Variants in ANO6 observed in about 807,000 individuals in gnomAD.
ANO6 encodes anoctamin-6.
A neutral mutation model predicts 117.5 loss-of-function variants in ANO6; 106 were observed. The ratio of observed to expected loss-of-function variants is 0.90; its 90% CI spans 0.77 to 1.06. The LOEUF (loss-of-function observed/expected upper bound fraction) is 1.06. Among genes scored for constraint, ANO6 ranks in the 50% least tolerant of loss-of-function variants. ANO6 has a pLI of 0.00. For missense variants in ANO6, 955 were observed against 1,121.1 expected, an observed-to-expected ratio of 0.85 and a Z score of 2.12; for synonymous variants, 367 against 385.1, an observed-to-expected ratio of 0.95 and a Z score of 0.55.
chr12:45,401,672 G>C, intron 12 of ANO6, 123 bp from the exon 13 acceptor site: 2 of 821,350 alleles, frequency 2.4e-6, no homozygotes, highest in Non-Finnish European at 4.1e-6. Context: ...ACCACCGCTG[G>C]TATCACTTAT....
In ANO6 at chr12:45,390,409, T is replaced by G. The variant is rs1593053034; in HGVS notation, c.1309-12T>G. ...CCCTTGATTGACTAAACTTTTTTGT[T>G]TTTGTAATTAGGAAGAAGAACGCAT... On this transcript the variant is annotated splice_polypyrimidine_tract_variant and intron_variant, in intron 11 of 19. Transcript: ENST00000320560. 1.2e-6 allele frequency: 2 copies of G among 1,612,000 alleles called. No homozygotes were observed. Among genetic ancestry groups the G allele is most frequent in the East Asian group, 4.5e-5 (2 of 44,852 alleles).
chr12:45,295,112 GTCCATTGTCCTGTGT>G (rs1040801414), intron 1 of ANO6, among the ~76,000 whole-genome samples: 15 of 152,220 alleles, frequency 9.9e-5, no homozygotes, highest in Admixed American at 5.2e-4. Flanking sequence ...TATGATTCAA[GTCCATTGTCCTGTGT>G]AGCAATACAT....
At chr12:45,421,347 G>T in intron 18 of ANO6, 74 bp downstream of exon 18, 1 of 1,457,902 alleles carries the variant, frequency 6.9e-7, no homozygotes, top group South Asian at 1.2e-5. Context: ...AATTCTGTTT[G>T]GTGTCATTTT....
chr12:45,396,573 G>C (rs549891483), intron 12 of ANO6, among the ~76,000 whole-genome samples: 5 of 152,302 alleles, frequency 3.3e-5, no homozygotes, highest in Admixed American at 6.5e-5. Flanking sequence ...CACGCTACCT[G>C]ACTTCAAACT....
At chr12:45,256,809 A>G (rs1937850995) in intron 1 of ANO6, 1 of 152,246 alleles carries the variant, frequency 6.6e-6, no homozygotes, top group Non-Finnish European at 1.5e-5. Flanking sequence ...AATGTATTTT[A>G]AACTGAAGAT....
chr12:45,302,100 A>G lies in ANO6; in HGVS notation c.150+7A>G. ...TTTTCGAACCCCGGAGTTTGTGAGT[A>G]CTATTCCTTTATCTTAAATTTGTAT... On this transcript the variant is annotated splice_region_variant and intron_variant, in intron 2 of 19. Coordinates refer to ENST00000320560, the MANE Select transcript of ANO6 (RefSeq NM_001025356.3). 1 of 1,612,346 alleles carries G rather than the reference A, an allele frequency of 6.2e-7. No individual in the cohort carries two copies. The highest frequency in any genetic ancestry group is 8.5e-7 in the Non-Finnish European group (1 of 1,178,466).
At chr12:45,325,651 A>G (rs1208069677) in intron 2 of ANO6, among the ~76,000 whole-genome samples, 2 of 152,220 alleles carry the variant, frequency 1.3e-5, no homozygotes, top group Non-Finnish European at 2.9e-5. Context: ...AACAACCACT[A>G]TAGGCATTTT....
intron 9 of ANO6, among the ~76,000 whole-genome samples, chr12:45,369,092 CTACT>C (rs756427775): frequency 1.8e-4 from 27 of 152,200 alleles, no homozygotes; most frequent in Non-Finnish European, 1.5e-4. Context: ...AATTGTTTCA[CTACT>C]TAGTTAAGCT....
At chr12:45,388,435 T>C in intron 11 of ANO6, 132 bp downstream of exon 11, 1 of 1,178,860 alleles carries the variant, frequency 8.5e-7, no homozygotes, top group Non-Finnish European at 1.2e-6. Context: ...CATACTCTGG[T>C]ACTTAGTAAC....
chr12:45,372,066 A>C lies in ANO6; in HGVS notation c.1104+4273A>C, dbSNP rs961208654. 1.6e-4 allele frequency among the ~76,000 whole-genome samples: 25 copies of C among 151,698 alleles called. 1 individual carries two copies. The highest frequency in any genetic ancestry group is 5.9e-4 in the African/African-American group (24 of 40,944). The stretch of plus-strand genomic sequence containing the variant: ...GGCTCGAGAACTACGTGAAGAATGC[A>C]GAAGCCTCAGGAGCTGATGCGATCA... On this transcript the variant is annotated intron_variant, in intron 9 of 19. Coordinates refer to ENST00000320560, the MANE Select transcript of ANO6 (RefSeq NM_001025356.3).
intron 1 of ANO6, among the ~76,000 whole-genome samples, chr12:45,274,052 T>C (rs1592903634): frequency 6.6e-6 from 1 of 152,302 alleles, no homozygotes; most frequent in Non-Finnish European, 1.5e-5. Context: ...TTGATTCTGC[T>C]CACTGCTCAC....
intron 1 of ANO6, among the ~76,000 whole-genome samples, chr12:45,298,297 A>G (rs570120328): frequency 6.6e-6 from 1 of 152,238 alleles, no homozygotes; most frequent in Non-Finnish European, 1.5e-5. Flanking sequence ...ACATTTCAAC[A>G]TATTACGTTA....
intron 8 of ANO6, among the ~76,000 whole-genome samples, chr12:45,367,036 C>T (rs746993302): frequency 1.3e-5 from 2 of 152,158 alleles, no homozygotes; most frequent in African/African-American, 2.4e-5. Flanking sequence ...GGCTGGAGTG[C>T]AGTGGCATGA....
intron 7 of ANO6, among the ~76,000 whole-genome samples, chr12:45,356,579 A>G (rs1164560401): frequency 6.6e-6 from 1 of 152,218 alleles, no homozygotes; most frequent in African/African-American, 2.4e-5. Context: ...TTATTAAGAA[A>G]TCATAAGAAA....
At chr12:45,266,803 CAAGTGT>C (rs1403716458) in intron 1 of ANO6, among the ~76,000 whole-genome samples, 1 of 98,888 alleles carries the variant, frequency 1.0e-5, no homozygotes, top group Non-Finnish European at 2.0e-5. Flanking sequence ...TCTCAAAAAA[CAAGTGT>C]GTGTGTGTGT....
At chr12:45,376,070 A>G (rs950566182) in intron 9 of ANO6, among the ~76,000 whole-genome samples, 8 of 151,046 alleles carry the variant, frequency 5.3e-5, no homozygotes, top group African/African-American at 9.7e-5. Context: ...TCAAAAGAAG[A>G]CATTTATGCA....
chr12:45,317,949 G>A (rs573411188), intron 2 of ANO6, among the ~76,000 whole-genome samples: 8 of 152,278 alleles, frequency 5.3e-5, no homozygotes, highest in South Asian at 2.1e-4. Flanking sequence ...CATATCCTTT[G>A]CCCACTTTTT....
At chr12:45,276,839 G>A (rs1443081064) in intron 1 of ANO6, among the ~76,000 whole-genome samples, 1 of 152,020 alleles carries the variant, frequency 6.6e-6, no homozygotes, top group East Asian at 1.9e-4. Flanking sequence ...TTTAATTGGG[G>A]GAGAAATGAA....
At chr12:45,271,363 A>G (rs1212516337) in intron 1 of ANO6, among the ~76,000 whole-genome samples, 1 of 152,216 alleles carries the variant, frequency 6.6e-6, no homozygotes, top group African/African-American at 2.4e-5. Context: ...TGCAAAAGTA[A>G]ATGATGCTAT....
Sources: allele counts gnomAD v4.1 joint callset (sites outside exome capture counted in the v4.1 genomes callset), GRCh38; gene constraint gnomAD v4.1.1; transcripts MANE v1.5; gene names NCBI Gene and HGNC (gene_info 2026-07-23, HGNC 2026-07-21).